The following PLCD4 variants were observed in gnomAD, a reference collection of about 807,000 sequenced individuals.
The protein encoded by PLCD4 is 1-phosphatidylinositol 4,5-bisphosphate phosphodiesterase delta-4.
A neutral mutation model predicts 90.2 loss-of-function variants in PLCD4; 63 were observed. The observed-to-expected ratio is 0.70, with a 90% confidence interval of 0.57 to 0.86. The LOEUF (loss-of-function observed/expected upper bound fraction) is 0.86. Among genes scored for constraint, PLCD4 ranks in the 40% least tolerant of loss-of-function variants. The pLI is 0.00. For missense variants in PLCD4, 830 were observed against 956.3 expected (o/e 0.87, Z 1.74); for synonymous variants, 294 against 356.5 (o/e 0.82, Z 1.97).
intron 1 of PLCD4, chr2:218,610,090 C>G (rs1695263250): frequency 6.6e-6 from 1 of 151,778 alleles, no homozygotes; most frequent in Non-Finnish European, 1.5e-5. Context: ...AAAACTAGGG[C>G]TACACAGGGA....
At position 218,615,945 on chromosome 2, in the gene PLCD4, A is replaced by G. The variant is rs1695560000; in HGVS notation, c.64A>G (p.Met22Val). The change falls in exon 3 of 16, where the codon ATG (methionine) becomes GTG (valine). Residue 22 changes from methionine to valine, a missense_variant. By Grantham distance (21) the Met-to-Val change is conservative (BLOSUM62 1). Transcript: ENST00000450993. ...GGACTTGCTGCTGATGCAGGAAGGC[A>G]TGCCGATGCGCAAGGTGAGGTCCAA... is the stretch of plus-strand genomic sequence containing the variant. ...DQDLLLMQEG[M>V]PMRKVRSKSW... The G allele has an allele frequency of 6.2e-7, 1 of 1,613,930 alleles. No individual in the cohort carries two copies. Among genetic ancestry groups the G allele is most frequent in the Non-Finnish European group, 8.5e-7 (1 of 1,179,912 alleles).
chr2:218,615,761 C>A lies in PLCD4; in HGVS notation c.22C>A (p.Gln8Lys). MASLLQD[Q>K]LTTDQDLLLM... ...GGTGATGGCGTCCCTGCTGCAAGACCGTGAGTGCCGGGGCCCCTGCAGGGG... is the reference window on the plus strand; with the variant it reads ...GGTGATGGCGTCCCTGCTGCAAGACAGTGAGTGCCGGGGCCCCTGCAGGGG... The change falls in exon 2 of 16, where the codon CAG becomes AAG. Residue 8 changes from glutamine (Q) to lysine (K), a missense_variant and splice_region_variant. Physicochemically the swap from Gln to Lys is moderately conservative, Grantham distance 53. Transcript: ENST00000450993. 6.2e-7 allele frequency: 1 copy of A among 1,606,864 alleles called. No individual in the cohort carries two copies. Among genetic ancestry groups the A allele is most frequent in the Non-Finnish European group, 8.5e-7 (1 of 1,176,454 alleles).
In PLCD4 at chr2:218,633,733, C is replaced by T. The variant is rs1696531532; in HGVS notation, c.1578C>T (p.Thr526=). ...ACGAGATATCATCTTTCTCTGAAAC[C>T]AAGGCCAAGCGCCTCATCAAGGAGG... ...HFYEISSFSE[T]KAKRLIKEAG... The change falls in exon 11 of 16, where the codon ACC becomes ACT. Residue 526 remains threonine, a synonymous_variant. Coordinates refer to ENST00000450993, the MANE Select transcript of PLCD4 (RefSeq NM_032726.4). 6.2e-7 allele frequency: 1 copy of T among 1,613,770 alleles called. No homozygotes were observed. The highest frequency in any genetic ancestry group is 8.5e-7 in the Non-Finnish European group (1 of 1,179,892).
In PLCD4 at chr2:218,615,954, C is replaced by T. The variant is rs186920731; in HGVS notation, c.73C>T (p.Arg25Cys). The change falls in exon 3 of 16, where the codon CGC becomes TGC. Residue 25 changes from arginine to cysteine, a missense_variant. Arg to Cys is a radical substitution (Grantham distance 180, BLOSUM62 -3). Coordinates refer to ENST00000450993, the MANE Select transcript of PLCD4 (RefSeq NM_032726.4). ...LLLMQEGMPM[R>C]KVRSKSWKKL... ...GCTGATGCAGGAAGGCATGCCGATG[C>T]GCAAGGTGAGGTCCAAAAGCTGGAA... is the stretch of plus-strand genomic sequence containing the variant. 4.7e-5 allele frequency: 76 copies of T among 1,613,994 alleles called. No homozygotes were observed. Among genetic ancestry groups the T allele is most frequent in the East Asian group, 4.7e-4 (21 of 44,884 alleles).
intron 1 of PLCD4, among the ~76,000 whole-genome samples, chr2:218,615,471 G>A (rs1399471726): frequency 6.6e-6 from 1 of 152,164 alleles, no homozygotes; most frequent in Non-Finnish European, 1.5e-5. Context: ...TGGGTAGGAA[G>A]GGGGTGCTGG....
At chr2:218,630,325 A>G (rs912766512) in intron 8 of PLCD4, among the ~76,000 whole-genome samples, 2 of 152,222 alleles carry the variant, frequency 1.3e-5, no homozygotes, top group African/African-American at 4.8e-5. Context: ...GTGCAACATG[A>G]ACACATAACC....
intron 3 of PLCD4, among the ~76,000 whole-genome samples, chr2:218,618,321 T>C (rs966716609): frequency 1.3e-5 from 2 of 152,238 alleles, no homozygotes; most frequent in East Asian, 1.9e-4. Flanking sequence ...TGCCAGCTTG[T>C]GGCTGGAAGC....
rs1367813098 is a variant in PLCD4 at position 218,621,574 on chromosome 2, A to G, written c.515A>G (p.Gln172Arg). The G allele has an allele frequency of 1.2e-6, 2 of 1,613,972 alleles. No homozygotes were observed. Among genetic ancestry groups the G allele is most frequent in the Middle Eastern group, 1.6e-4 (1 of 6,062 alleles). Residue 172 changes from glutamine to arginine, a missense_variant, in exon 5 of 16, where the codon CAA (glutamine) becomes CGA (arginine). Coordinates refer to ENST00000450993, the MANE Select transcript of PLCD4 (RefSeq NM_032726.4). The stretch of plus-strand genomic sequence containing the variant: ...CACCTAATGAATGTGGAAATGGACC[A>G]AGAATATGCCTTCAGTCTTTTTCAG... ...LLHLMNVEMD[Q>R]EYAFSLFQAA...
rs567172551 is a variant in PLCD4, at chr2:218,622,852, T to C, written c.746T>C (p.Ile249Thr). The C allele has an allele frequency of 2.0e-4, 319 of 1,613,926 alleles. 4 individuals carry two copies. In the East Asian group the frequency reaches 5.5e-3, roughly 28 times the overall value. ...DCTSELALEL[I>T]DRYEPSDSGK... is the part of the protein sequence containing the mutation. ...ACCTCTGAGCTTGCTCTGGAACTCA[T>C]TGACCGCTATGAACCTTCAGACAGT... The change falls in exon 6 of 16, where the codon ATT (isoleucine) becomes ACT (threonine). Residue 249 changes from isoleucine to threonine, a missense_variant. Transcript: ENST00000450993.
intron 14 of PLCD4, 28 bp from the exon 15 acceptor site, chr2:218,636,215 T>C (rs371726906): frequency 3.1e-6 from 5 of 1,604,268 alleles, no homozygotes; most frequent in Non-Finnish European, 3.4e-6. Flanking sequence ...CATAATGTCT[T>C]CTTATTTCTT....
chr2:218,628,254 T>C (rs1403222654), intron 7 of PLCD4, 24 bp downstream of exon 7: 1 of 1,603,474 alleles, frequency 6.2e-7, no homozygotes, highest in South Asian at 1.1e-5. Context: ...AGAGAAGGGG[T>C]CCAACTCATG....
At chr2:218,629,447 T>C (rs1203807694) in intron 7 of PLCD4, 72 bp from the exon 8 acceptor site, 66 of 1,556,082 alleles carry the variant, frequency 4.2e-5, no homozygotes, top group Non-Finnish European at 5.5e-5. Flanking sequence ...CTCTCCAGAG[T>C]GGGGAGAGTC....
At position 218,629,627 on chromosome 2, in the gene PLCD4, A is replaced by C. The variant is rs1245050357; in HGVS notation, c.1083A>C (p.Lys361Asn). The change falls in exon 8 of 16, where the codon AAA (lysine) becomes AAC (asparagine). Residue 361 changes from lysine to asparagine, a missense_variant. Coordinates refer to ENST00000450993, the MANE Select transcript of PLCD4 (RefSeq NM_032726.4). ...GHTLTSRILF[K>N]DVVATVAQYA... ...CCCTGACCTCCCGCATCCTGTTCAAAGATGTCGTGGCCACAGTAGCACAGT... is the reference window on the plus strand; with the variant it reads ...CCCTGACCTCCCGCATCCTGTTCAACGATGTCGTGGCCACAGTAGCACAGT... The C allele has an allele frequency of 6.2e-7, 1 of 1,613,688 alleles. No homozygotes were observed. Among genetic ancestry groups the C allele is most frequent in the South Asian group, 1.1e-5 (1 of 91,022 alleles).
intron 3 of PLCD4, among the ~76,000 whole-genome samples, chr2:218,618,089 AAAACAAACAAAC>A (rs61169386): frequency 4.6e-5 from 7 of 151,124 alleles, no homozygotes; most frequent in South Asian, 4.2e-4. Flanking sequence ...TCCATGTCAA[AAAACAAACAAAC>A]AAACAAACAA....
intron 3 of PLCD4, among the ~76,000 whole-genome samples, chr2:218,616,938 A>ATATATATATG (rs1157021732): frequency 1.0e-4 from 3 of 29,278 alleles, no homozygotes; most frequent in African/African-American, 1.9e-4. Context: ...AGAGAGAGAG[A>ATATATATATG]GAGAGAGAGA....
In PLCD4 at chr2:218,636,341, C is replaced by T. The variant is rs769607592; in HGVS notation, c.2131C>T (p.Arg711Ter). The T allele has an allele frequency of 2.8e-5, 45 of 1,613,856 alleles. No homozygotes were observed. Among genetic ancestry groups the T allele is most frequent in the Admixed American group, 3.3e-5 (2 of 60,004 alleles). Residue 711 changes from arginine (R) to a stop codon, truncating the protein, a stop_gained, in exon 15 of 16, where the codon CGA becomes TGA. Transcript: ENST00000450993. LOFTEE classifies it high-confidence loss of function. ...GGTAATGGATTATGACTGGAAATCCCGAAATGACTTTATTGGTCAGTACAC... is the reference window on the plus strand; with the variant it reads ...GGTAATGGATTATGACTGGAAATCCTGAAATGACTTTATTGGTCAGTACAC... ...FVVMDYDWKS[R>*]NDFIGQYTLP...
rs765851562 is a variant in PLCD4 at position 218,628,139 on chromosome 2, C to A, written c.883C>A (p.Pro295Thr). ...CCCCATCTATCAGGATATGACTCAA[C>A]CCCTGAACCACTACTTCATCTGCTC... The part of the protein sequence containing the change: ...CLPIYQDMTQ[P>T]LNHYFICSSH... The change falls in exon 7 of 16, where the codon CCC becomes ACC. Residue 295 changes from proline (P) to threonine (T), a missense_variant. Pro to Thr is a conservative substitution (Grantham distance 38). Transcript: ENST00000450993. The A allele has an allele frequency of 1.7e-5, 27 of 1,613,916 alleles. No individual in the cohort carries two copies. The highest frequency in any genetic ancestry group is 2.3e-5 in the Non-Finnish European group (27 of 1,179,872).
At chr2:218,635,092 C>T (rs886426279) in intron 13 of PLCD4, among the ~76,000 whole-genome samples, 7 of 151,560 alleles carry the variant, frequency 4.6e-5, no homozygotes, top group South Asian at 2.1e-4. Flanking sequence ...TAGAGACTCC[C>T]GTCTCTACAA....
Position 218,630,653 on chromosome 2 carries a change from TCA to T in PLCD4, c.1124_1125del (p.Ser375Ter). Reference protein sequence around the residue: ...ATVAQYAFQTSDYPVILSLET... With the variant: ...ATVAQYAFQTXDYPVILSLET... ...TGTTCCCTCCCCTCACCACCAGACA[TCA>T]GACTACCCAGTCATCTTGTCCCTGG... On this transcript the variant is annotated frameshift_variant, in exon 9 of 16. Transcript: ENST00000450993. LOFTEE classifies it high-confidence loss of function. The T allele has an allele frequency of 6.2e-7, 1 of 1,613,996 alleles. No homozygotes were observed. The highest frequency in any genetic ancestry group is 2.2e-5 in the East Asian group (1 of 44,880).
Sources: gnomAD v4.1 joint callset for allele counts (sites outside exome capture counted in the v4.1 genomes callset) on GRCh38, gnomAD v4.1.1 for gene constraint, MANE v1.5 for transcripts, NCBI Gene and HGNC (gene_info 2026-07-23, HGNC 2026-07-21) for gene names.